The following KIF6 variants were observed in gnomAD, a reference collection of about 807,000 sequenced individuals.
KIF6 encodes the protein kinesin family member 6, also known as kinesin-like protein KIF6.
Under a neutral mutation model 112.7 loss-of-function variants are expected in KIF6, and 106 were observed. That is an observed-to-expected ratio of 0.94 (90% CI 0.80 to 1.11). The LOEUF (loss-of-function observed/expected upper bound fraction) is 1.11. Ranked by LOEUF, KIF6 falls within the 50% of genes least tolerant of loss-of-function variation. The pLI is 0.00. For synonymous variants in KIF6, 339 were observed against 339.9 expected (o/e 1.00, Z 0.03); for missense variants, 929 against 964.0 (o/e 0.96, Z 0.48).
intron 13 of KIF6, among the ~76,000 whole-genome samples, chr6:39,463,904 T>C (rs1773631833): frequency 1.3e-5 from 2 of 152,216 alleles, no homozygotes; most frequent in South Asian, 4.1e-4. Flanking sequence ...TCCTCCCACA[T>C]CTCTGTCAAA....
At chr6:39,416,020 A>T (rs1392573447) in intron 15 of KIF6, among the ~76,000 whole-genome samples, 2 of 152,188 alleles carry the variant, frequency 1.3e-5, no homozygotes, top group Admixed American at 1.3e-4. Context: ...GTGAAAACCC[A>T]CTGTGCAGCC....
At chr6:39,480,514 C>CT (rs1018132416) in intron 13 of KIF6, among the ~76,000 whole-genome samples, 56 of 147,214 alleles carry the variant, frequency 3.8e-4, no homozygotes, top group Middle Eastern at 3.5e-3. Context: ...CTGAAGTTTT[C>CT]TTTTTTTTTT....
chr6:39,633,330 G>C (rs1226598123), intron 5 of KIF6, among the ~76,000 whole-genome samples: 1 of 152,112 alleles, frequency 6.6e-6, no homozygotes, highest in Non-Finnish European at 1.5e-5. Flanking sequence ...ACCCTTAAGA[G>C]AGGTAACATA....
chr6:39,564,390 T>A (rs549547723), intron 10 of KIF6, among the ~76,000 whole-genome samples: 1 of 152,136 alleles, frequency 6.6e-6, no homozygotes, highest in African/African-American at 2.4e-5. Context: ...CTTTGAGGAA[T>A]AGAGTAGAAA....
chr6:39,457,253 C>T lies in KIF6; in HGVS notation c.1646-26092G>A, dbSNP rs1287530578. Among the ~76,000 whole-genome samples the T allele has an allele frequency of 7.9e-5, 12 of 151,204 alleles. 1 individual carries two copies. The South Asian group carries it at 1.7e-3, about 21-fold the overall frequency. On this transcript the variant is annotated intron_variant, in intron 13 of 22. Coordinates refer to ENST00000287152, the MANE Select transcript of KIF6 (RefSeq NM_145027.6). ...GCTCAACTACATGGAAACTGAACAA[C>T]CTGCTCCTGAATGACTACTGGGTAC...
intron 17 of KIF6, 98 bp from the exon 18 acceptor site, chr6:39,360,628 G>T: frequency 7.2e-7 from 1 of 1,394,212 alleles, no homozygotes; most frequent in Non-Finnish European, 1.0e-6. Context: ...TCAGAATCCC[G>T]TCAGAGCTGC....
rs1781628886 is a variant in KIF6 at position 39,586,282 on chromosome 6, G to A, written c.969C>T (p.Ser323=). 6 of 1,614,030 alleles carry A rather than the reference G, an allele frequency of 3.7e-6. No homozygotes were observed. The highest frequency in any genetic ancestry group is 1.1e-5 in the South Asian group (1 of 91,088). Residue 323 remains serine (S), a synonymous_variant, in exon 8 of 23, where the codon TCC becomes TCT. Transcript: ENST00000287152. ...ATACATCAAGATTCCTTTTCTCCAA[G>A]GAGAGTGTTGCAATCATAGTTGTCA... ...NCMTTMIATL[S]LEKRNLDESI...
At chr6:39,540,673 C>A (rs1284953275) in intron 12 of KIF6, among the ~76,000 whole-genome samples, 1 of 152,210 alleles carries the variant, frequency 6.6e-6, no homozygotes, top group Admixed American at 6.5e-5. Flanking sequence ...GAAACCCACC[C>A]GGCTGGCAGA....
At chr6:39,688,011 G>A (rs754966831) in intron 3 of KIF6, among the ~76,000 whole-genome samples, 32 of 152,344 alleles carry the variant, frequency 2.1e-4, no homozygotes, top group Non-Finnish European at 3.5e-4. Context: ...GCGGCTAGCA[G>A]TAGATTTGTT....
At chr6:39,346,667 G>A in intron 19 of KIF6, 141 bp from the exon 20 acceptor site, 1 of 547,396 alleles carries the variant, frequency 1.8e-6, no homozygotes, top group South Asian at 2.6e-5. Flanking sequence ...TTTTTTTTGA[G>A]ATGGAGTTTC....
chr6:39,471,538 C>T (rs141941025), intron 13 of KIF6, among the ~76,000 whole-genome samples: 13 of 152,320 alleles, frequency 8.5e-5, no homozygotes, highest in Non-Finnish European at 1.5e-4. Context: ...GAGGCCACAC[C>T]TCTTCAGCAA....
At chr6:39,568,231 G>A (rs1415295153) in intron 10 of KIF6, among the ~76,000 whole-genome samples, 2 of 152,164 alleles carry the variant, frequency 1.3e-5, no homozygotes, top group African/African-American at 4.8e-5. Flanking sequence ...TGTATACAGG[G>A]GGTAACGAGT....
At chr6:39,619,913 ATCTT>A (rs1036540890) in intron 5 of KIF6, among the ~76,000 whole-genome samples, 2 of 152,294 alleles carry the variant, frequency 1.3e-5, no homozygotes, top group Middle Eastern at 3.4e-3. Flanking sequence ...TGATAAGAAT[ATCTT>A]TCTGTATTAT....
intron 13 of KIF6, among the ~76,000 whole-genome samples, chr6:39,475,135 T>C (rs1464392227): frequency 1.3e-5 from 2 of 152,240 alleles, no homozygotes; most frequent in African/African-American, 4.8e-5. Flanking sequence ...TTTATATGAA[T>C]TGTGTGACCT....
chr6:39,532,425 A>G (rs1778129432), intron 13 of KIF6, among the ~76,000 whole-genome samples: 1 of 152,216 alleles, frequency 6.6e-6, no homozygotes, highest in African/African-American at 2.4e-5. Context: ...AAATGAATGA[A>G]TAAATTAATG....
intron 13 of KIF6, among the ~76,000 whole-genome samples, chr6:39,482,040 A>ACACACACACC (rs926486343): frequency 6.8e-6 from 1 of 147,782 alleles, no homozygotes; most frequent in East Asian, 2.0e-4. Flanking sequence ...ACACACACAC[A>ACACACACACC]CCCCACTGGG....
intron 13 of KIF6, among the ~76,000 whole-genome samples, chr6:39,507,674 TCCTTCCTTCCTTCCTA>T (rs1776511309): frequency 7.2e-6 from 1 of 138,118 alleles, no homozygotes; most frequent in Non-Finnish European, 1.6e-5. Flanking sequence ...CTTCCTTCCT[TCCTTCCTTCCTTCCTA>T]CCTTCCTTCC....
chr6:39,663,237 GT>G, intron 3 of KIF6, among the ~76,000 whole-genome samples: 1 of 152,180 alleles, frequency 6.6e-6, no homozygotes, highest in Non-Finnish European at 1.5e-5. Context: ...AAAAAAATCT[GT>G]TTTGGACTAT....
intron 10 of KIF6, among the ~76,000 whole-genome samples, chr6:39,564,607 G>A (rs772289552): frequency 1.3e-5 from 2 of 152,168 alleles, no homozygotes; most frequent in Non-Finnish European, 2.9e-5. Context: ...CAGAGGCAAA[G>A]GTGAATGCTC....
Sources: allele counts gnomAD v4.1 joint callset (sites outside exome capture counted in the v4.1 genomes callset), GRCh38; gene constraint gnomAD v4.1.1; transcripts MANE v1.5; gene names NCBI Gene and HGNC (gene_info 2026-07-23, HGNC 2026-07-21).